Variants in ABCC5 observed in about 807,000 individuals in gnomAD.
The protein encoded by ABCC5 is ATP-binding cassette sub-family C member 5.
ABCC5 carries 61 observed loss-of-function variants against 160.9 expected under a neutral mutation model. The ratio of observed to expected loss-of-function variants is 0.38; its 90% CI spans 0.31 to 0.47. The LOEUF is 0.47. Ranked by LOEUF, ABCC5 falls within the 20% of genes least tolerant of loss-of-function variation. ABCC5 has a pLI of 0.99. For missense variants in ABCC5, 1,308 were observed against 1,813.3 expected (o/e 0.72, Z 5.06); for synonymous variants, 666 against 700.6 (o/e 0.95, Z 0.78).
chr3:183,980,808 G>A (rs1447247630), intron 8 of ABCC5, among the ~76,000 whole-genome samples: 2 of 151,822 alleles, frequency 1.3e-5, no homozygotes, highest in Admixed American at 6.6e-5. Flanking sequence ...CGCCTCTTGG[G>A]TTCAAGCGAT....
chr3:183,983,862 A>G (rs1332875352), intron 5 of ABCC5: 13 of 985,374 alleles, frequency 1.3e-5, no homozygotes, highest in Non-Finnish European at 1.4e-5. Context: ...ACATACATTG[A>G]AACATACAGA....
intron 17 of ABCC5, among the ~76,000 whole-genome samples, chr3:183,957,221 A>G (rs1164333917): frequency 8.3e-6 from 1 of 119,838 alleles, no homozygotes; most frequent in Non-Finnish European, 1.9e-5. Context: ...TGTATATCAC[A>G]TCGGTTACAT....
At chr3:183,933,165 C>CAAAAAAAAAAAAAAAAAAA in intron 26 of ABCC5, among the ~76,000 whole-genome samples, 1 of 73,726 alleles carries the variant, frequency 1.4e-5, no homozygotes, top group Non-Finnish European at 2.7e-5. Context: ...GAGACTGTCT[C>CAAAAAAAAAAAAAAAAAAA]AAAAAAAAAA....
chr3:183,953,177 A>G lies in ABCC5; in HGVS notation c.2576T>C (p.Phe859Ser). The G allele has an allele frequency of 6.2e-7, 1 of 1,614,154 alleles. No individual in the cohort carries two copies. The highest frequency in any genetic ancestry group is 8.5e-7 in the Non-Finnish European group (1 of 1,180,030). Residue 859 changes from phenylalanine to serine, a missense_variant, in exon 18 of 30, where the codon TTC becomes TCC. This residue lies in a region of ABCC5 where 1,142 missense variants were observed against 1,527.1 expected (regional missense o/e 0.75). Coordinates refer to ENST00000334444, the MANE Select transcript of ABCC5 (RefSeq NM_005688.4). ...CATGAAAAGGGCCATAATAACCAGG[A>G]ATGCCAAGGGGCCCCCAGCAGCCTG... ...YIQAAGGPLA[F>S]LVIMALFMLN...
At chr3:184,004,213 T>C (rs1331090152) in intron 2 of ABCC5, among the ~76,000 whole-genome samples, 1 of 141,300 alleles carries the variant, frequency 7.1e-6, no homozygotes, top group Non-Finnish European at 1.6e-5. Context: ...AGGCTTTAGC[T>C]AAAAAAAAAA....
chr3:183,980,110 G>C (rs1008181120), intron 8 of ABCC5, among the ~76,000 whole-genome samples: 1 of 152,122 alleles, frequency 6.6e-6, no homozygotes, highest in Non-Finnish European at 1.5e-5. Context: ...CCTGACCTTA[G>C]GTGATCTACT....
At chr3:183,995,964 C>T (rs962131890) in intron 2 of ABCC5, among the ~76,000 whole-genome samples, 23 of 152,114 alleles carry the variant, frequency 1.5e-4, no homozygotes, top group African/African-American at 4.1e-4. Context: ...CCCGCCACCA[C>T]GCCCGGCTAA....
chr3:183,979,675 G>A (rs1718536682), intron 8 of ABCC5, among the ~76,000 whole-genome samples: 1 of 151,984 alleles, frequency 6.6e-6, no homozygotes. Flanking sequence ...CAACCTCCAT[G>A]GCTCAAGTGA....
chr3:183,948,848 C>T (rs1197444840), intron 22 of ABCC5, among the ~76,000 whole-genome samples: 1 of 151,942 alleles, frequency 6.6e-6, no homozygotes, highest in Non-Finnish European at 1.5e-5. Context: ...ATTACAGGTG[C>T]CTGCCACCAC....
At chr3:183,984,643 T>G in intron 5 of ABCC5, 1 of 1,434,848 alleles carries the variant, frequency 7.0e-7, no homozygotes. Flanking sequence ...CAAGAACTAC[T>G]GTATTCCACC....
chr3:183,927,354 AGCTATGCACAAGAGCTGCC>A lies in ABCC5; in HGVS notation c.4004_4022del (p.Arg1335LeufsTer11). The stretch of plus-strand genomic sequence containing the variant: ...CCTTACAGTGGCGGAGCAGGGCTCT[AGCTATGCACAAGAGCTGCC>A]GTTCCCCCACTGAGAAGTTATCCCC... On this transcript the variant is annotated frameshift_variant, in exon 28 of 30. Coordinates refer to ENST00000334444, the MANE Select transcript of ABCC5 (RefSeq NM_005688.4). LOFTEE classifies it high-confidence loss of function. 1 of 1,613,370 alleles carries A rather than the reference AGCTATGCACAAGAGCTGCC, an allele frequency of 6.2e-7. No homozygotes were observed.
chr3:183,922,224 T>A (rs1328574176), intron 29 of ABCC5, among the ~76,000 whole-genome samples: 1 of 151,250 alleles, frequency 6.6e-6, no homozygotes, highest in East Asian at 2.0e-4. Context: ...ATACAAAAAT[T>A]AGCTGGGTGT....
chr3:184,015,682 T>G (rs953041464), intron 1 of ABCC5, among the ~76,000 whole-genome samples: 16 of 151,324 alleles, frequency 1.1e-4, no homozygotes, highest in African/African-American at 3.9e-4. Flanking sequence ...AGCTGTTACT[T>G]ATCTTTAAAA....
At chr3:183,978,418 A>G in intron 9 of ABCC5, 85 bp downstream of exon 9, 2 of 1,521,150 alleles carry the variant, frequency 1.3e-6, no homozygotes, top group Non-Finnish European at 1.8e-6. Context: ...AACCTCCACC[A>G]CCTGGGTTCA....
intron 29 of ABCC5, among the ~76,000 whole-genome samples, chr3:183,925,351 A>G (rs1712430177): frequency 6.6e-6 from 1 of 152,232 alleles, no homozygotes; most frequent in Non-Finnish European, 1.5e-5. Context: ...ACAAATTAGT[A>G]AAGTAAAATG....
At chr3:183,931,254 C>T (rs933095378) in intron 26 of ABCC5, among the ~76,000 whole-genome samples, 1 of 151,788 alleles carries the variant, frequency 6.6e-6, no homozygotes, top group Non-Finnish European at 1.5e-5. Context: ...TACACAAAAG[C>T]GCGGTCTCCT....
rs1292000043 is a variant in ABCC5, at chr3:183,982,840, G to A, written c.759C>T (p.Ala253=). 6.2e-7 allele frequency: 1 copy of A among 1,614,058 alleles called. No homozygotes were observed. Among genetic ancestry groups the A allele is most frequent in the East Asian group, 2.2e-5 (1 of 44,888 alleles). Residue 253 remains alanine (A), a synonymous_variant, in exon 6 of 30, where the codon GCC becomes GCT. Transcript: ENST00000334444. The surrounding 1 kb of genome is among the most constrained non-coding windows in gnomAD (Gnocchi z 5.2). The part of the protein sequence containing the change: ...NYRTGVRLRG[A]ILTMAFKKIL... ...TCTTCTTAAATGCCATGGTTAGGAT[G>A]GCCCCCCGCAAGCGGACACCGGTTC...
chr3:183,942,606 T>G, intron 25 of ABCC5, 121 bp downstream of exon 25: 3 of 1,299,340 alleles, frequency 2.3e-6, no homozygotes, highest in Non-Finnish European at 2.2e-6. Flanking sequence ...TTGGTTTCAG[T>G]AGGGGGCTGA....
chr3:184,008,500 AT>A (rs1313383827), intron 2 of ABCC5, among the ~76,000 whole-genome samples: 2 of 152,242 alleles, frequency 1.3e-5, no homozygotes, highest in Non-Finnish European at 2.9e-5. Flanking sequence ...CCACCACTTT[AT>A]TAACACTTCA....
Sources: allele counts gnomAD v4.1 joint callset (sites outside exome capture counted in the v4.1 genomes callset), GRCh38; gene constraint gnomAD v4.1.1; regional missense constraint gnomAD v4.1.1; non-coding constraint Gnocchi (gnomAD v3.1); transcripts MANE v1.5; gene names NCBI Gene and HGNC (gene_info 2026-07-23, HGNC 2026-07-21).